The following NBEA variants were observed in gnomAD, a reference collection of about 807,000 sequenced individuals.
The protein encoded by NBEA is neurobeachin, also known as lysosomal-trafficking regulator 2.
NBEA carries 44 observed loss-of-function variants against 343.4 expected under a neutral mutation model. The ratio of observed to expected loss-of-function variants is 0.13; its 90% CI spans 0.10 to 0.16. NBEA has a LOEUF of 0.16. NBEA is among the 10% of genes least tolerant of loss of function. The pLI is 1.00. For missense variants in NBEA, 2,555 were observed against 3,631.3 expected, an observed-to-expected ratio of 0.70 and a Z score of 7.62; for synonymous variants, 1,175 against 1,238.7, an observed-to-expected ratio of 0.95 and a Z score of 1.08.
At chr13:35,308,363 A>G (rs1390663865) in intron 35 of NBEA, among the ~76,000 whole-genome samples, 1 of 147,966 alleles carries the variant, frequency 6.8e-6, no homozygotes, top group Non-Finnish European at 1.5e-5. Flanking sequence ...AAAATGCATT[A>G]GGGAACTTTG....
At chr13:35,158,234 G>A (rs1437225364) in intron 21 of NBEA, among the ~76,000 whole-genome samples, 3 of 151,930 alleles carry the variant, frequency 2.0e-5, no homozygotes, top group African/African-American at 7.3e-5. Context: ...TTAAAGGATG[G>A]TCCCCCCAAT....
At chr13:34,954,896 A>G (rs563179851) in intron 1 of NBEA, among the ~76,000 whole-genome samples, 1 of 152,316 alleles carries the variant, frequency 6.6e-6, no homozygotes, top group Admixed American at 6.5e-5. Flanking sequence ...TATTGGTTGA[A>G]TCTATGGATG....
chr13:35,247,708 A>C (rs116873430), intron 34 of NBEA, among the ~76,000 whole-genome samples: 5,412 of 152,158 alleles, frequency 0.036, 146 homozygotes, highest in Non-Finnish European at 0.054. Flanking sequence ...TTCTTGGCAT[A>C]TTCATCTTGA....
At chr13:35,106,896 C>T (rs770855004) in intron 11 of NBEA, among the ~76,000 whole-genome samples, 18 of 151,144 alleles carry the variant, frequency 1.2e-4, no homozygotes, top group Non-Finnish European at 2.5e-4. Context: ...TAATGGTCAG[C>T]CTGATTTTAT....
chr13:35,609,535 C>G (rs1214448699), intron 48 of NBEA, among the ~76,000 whole-genome samples: 1 of 152,136 alleles, frequency 6.6e-6, no homozygotes, highest in Non-Finnish European at 1.5e-5. Flanking sequence ...TCTTAAGTTT[C>G]TAGTAGAGGC....
chr13:35,022,441 G>A (rs2061876383), intron 1 of NBEA, among the ~76,000 whole-genome samples: 1 of 152,044 alleles, frequency 6.6e-6, no homozygotes, highest in Non-Finnish European at 1.5e-5. Context: ...GAGAGGACCA[G>A]TGTAAAAGAA....
intron 41 of NBEA, among the ~76,000 whole-genome samples, chr13:35,509,219 G>A (rs1301064903): frequency 6.6e-6 from 1 of 152,186 alleles, no homozygotes; most frequent in Non-Finnish European, 1.5e-5. Context: ...CTGGCTGGTA[G>A]CTGGTTCTTC....
chr13:35,662,106 G>A (rs993525752), intron 55 of NBEA, among the ~76,000 whole-genome samples: 3 of 152,186 alleles, frequency 2.0e-5, no homozygotes, highest in Admixed American at 1.3e-4. Flanking sequence ...TGAATAAGCA[G>A]CATCTAATAC....
intron 41 of NBEA, among the ~76,000 whole-genome samples, chr13:35,495,058 T>G (rs1237019458): frequency 6.6e-6 from 1 of 151,720 alleles, no homozygotes; most frequent in Non-Finnish European, 1.5e-5. Flanking sequence ...TCGACTGAAT[T>G]AAAATAAAAA....
intron 34 of NBEA, chr13:35,251,195 C>T: frequency 3.9e-6 from 1 of 253,776 alleles, no homozygotes; most frequent in Non-Finnish European, 7.8e-6. Flanking sequence ...GGAGGGGACT[C>T]ACTTTCTCAT....
chr13:35,225,045 G>A (rs1405325149), intron 33 of NBEA, among the ~76,000 whole-genome samples: 1 of 152,046 alleles, frequency 6.6e-6, no homozygotes, highest in African/African-American at 2.4e-5. Flanking sequence ...TTTTCAGAGT[G>A]TCTTACTCAC....
chr13:35,083,891 G>A (rs983831473), intron 10 of NBEA, among the ~76,000 whole-genome samples: 2 of 151,992 alleles, frequency 1.3e-5, no homozygotes, highest in Non-Finnish European at 2.9e-5. Flanking sequence ...GATCTACCAA[G>A]CAAACAGAAA....
chr13:35,432,384 A>T lies in NBEA; in HGVS notation c.6295A>T (p.Ile2099Leu). 1 of 1,606,048 alleles carries T rather than the reference A, an allele frequency of 6.2e-7. No individual in the cohort carries two copies. ...TGCTGAAGCATTGCTGAAAGCTGCAATAGAATATGGTTAGTACCAATGCTT... is the reference window on the plus strand; with the variant it reads ...TGCTGAAGCATTGCTGAAAGCTGCATTAGAATATGGTTAGTACCAATGCTT... ...THAEALLKAAIEYGTEEDVVK... is the reference protein window; with the variant it reads ...THAEALLKAALEYGTEEDVVK... The change falls in exon 39 of 59, where the codon ATA becomes TTA. Residue 2099 changes from isoleucine (I) to leucine (L), a missense_variant. Physicochemically the swap from Ile to Leu is conservative, Grantham distance 5. This residue lies in a region of NBEA where 246 missense variants were observed against 313.7 expected (regional missense o/e 0.78). Coordinates refer to ENST00000379939, the MANE Select transcript of NBEA (RefSeq NM_001385012.1).
intron 36 of NBEA, among the ~76,000 whole-genome samples, chr13:35,312,071 A>C (rs916863768): frequency 1.3e-5 from 2 of 152,212 alleles, no homozygotes; most frequent in Admixed American, 1.3e-4. Context: ...CACCCACTAC[A>C]TGTCAAATAC....
At chr13:35,247,294 T>G (rs2031353922) in intron 34 of NBEA, among the ~76,000 whole-genome samples, 1 of 152,184 alleles carries the variant, frequency 6.6e-6, no homozygotes, top group African/African-American at 2.4e-5. Context: ...CCCCAAGTTC[T>G]GCCAGGAAAC....
At chr13:35,550,889 C>T in intron 42 of NBEA, 41 bp from the exon 43 acceptor site, 1 of 1,259,146 alleles carries the variant, frequency 7.9e-7, no homozygotes, top group South Asian at 1.3e-5. Flanking sequence ...CTAACTTATC[C>T]TGCGGTTTTC....
Position 35,045,007 on chromosome 13 carries a change from A to G in NBEA, c.587A>G (p.Lys196Arg). 6.2e-7 allele frequency: 1 copy of G among 1,611,918 alleles called. No individual in the cohort carries two copies. The highest frequency in any genetic ancestry group is 8.5e-7 in the Non-Finnish European group (1 of 1,178,966). ...ASYSITVKELKLLFSMLRGES... is the reference protein window; with the variant it reads ...ASYSITVKELRLLFSMLRGES... ...TACAGCATCACTGTCAAGGAGTTGAAGCTTTTGTTCAGCATGCTTCGAGGA... is the reference window on the plus strand; with the variant it reads ...TACAGCATCACTGTCAAGGAGTTGAGGCTTTTGTTCAGCATGCTTCGAGGA... Residue 196 changes from lysine (K) to arginine (R), a missense_variant, in exon 3 of 59, where the codon AAG becomes AGG. Physicochemically the swap from Lys to Arg is conservative, Grantham distance 26 (BLOSUM62 2). Coordinates refer to ENST00000379939, the MANE Select transcript of NBEA (RefSeq NM_001385012.1).
chr13:35,097,260 AT>A, intron 10 of NBEA, among the ~76,000 whole-genome samples: 1 of 151,910 alleles, frequency 6.6e-6, no homozygotes, highest in Admixed American at 6.6e-5. Flanking sequence ...GGCTTTAATA[AT>A]TTTCAAGTTT....
At chr13:35,564,797 C>A (rs1050187263) in intron 44 of NBEA, among the ~76,000 whole-genome samples, 1 of 152,186 alleles carries the variant, frequency 6.6e-6, no homozygotes, top group Admixed American at 6.5e-5. Flanking sequence ...TATACCTCTA[C>A]GCCTTTGCAT....
Sources: allele counts gnomAD v4.1 joint callset (sites outside exome capture counted in the v4.1 genomes callset), GRCh38; gene constraint gnomAD v4.1.1; regional missense constraint gnomAD v4.1.1; transcripts MANE v1.5; gene names NCBI Gene and HGNC (gene_info 2026-07-23, HGNC 2026-07-21).